NELL1: variants seen among roughly 807,000 people sequenced by gnomAD.
NELL1 encodes the protein protein kinase C-binding protein NELL1.
In NELL1, 76 loss-of-function variants were observed where a neutral mutation model predicts 107.4. That is an observed-to-expected ratio of 0.71 (90% CI 0.59 to 0.86). The LOEUF is 0.86. Among genes scored for constraint, NELL1 ranks in the 40% least tolerant of loss-of-function variants. The probability of loss-of-function intolerance (pLI) is 0.00; values close to 1 mark genes in which losing one functional copy is unlikely to be tolerated. For missense variants in NELL1, 1,024 were observed against 1,005.5 expected (o/e 1.02, Z -0.25); for synonymous variants, 353 against 341.2 (o/e 1.03, Z -0.38).
intron 13 of NELL1, among the ~76,000 whole-genome samples, chr11:21,211,609 T>A (rs59239776): frequency 6.6e-6 from 1 of 152,062 alleles, no homozygotes; most frequent in Non-Finnish European, 1.5e-5. Flanking sequence ...AGGAGATGCA[T>A]TGGGAAGCTA....
At chr11:21,284,629 A>G (rs1849074716) in intron 14 of NELL1, 1 of 417,800 alleles carries the variant, frequency 2.4e-6, no homozygotes, top group Non-Finnish European at 4.9e-6. Flanking sequence ...AATGTTATCA[A>G]CAGTGTCTGC....
chr11:21,054,641 C>T (rs1343505242), intron 12 of NELL1, among the ~76,000 whole-genome samples: 1 of 152,046 alleles, frequency 6.6e-6, no homozygotes, highest in Non-Finnish European at 1.5e-5. Context: ...GGTAGGTAAA[C>T]AAGCGAGAGC....
intron 4 of NELL1, among the ~76,000 whole-genome samples, chr11:20,873,000 G>T (rs965387395): frequency 1.1e-4 from 17 of 152,126 alleles, no homozygotes; most frequent in African/African-American, 4.1e-4. Flanking sequence ...AACCCTGAGA[G>T]TCCTGGTTAC....
At chr11:21,562,417 TTTTG>T (rs138438209) in intron 17 of NELL1, among the ~76,000 whole-genome samples, 2,879 of 152,126 alleles carry the variant, frequency 0.019, 88 homozygotes, top group African/African-American at 0.064. Flanking sequence ...TACATAAATC[TTTTG>T]TTTGTTTGTG....
intron 3 of NELL1, among the ~76,000 whole-genome samples, chr11:20,833,819 T>C (rs901133109): frequency 1.3e-4 from 20 of 152,066 alleles, no homozygotes; most frequent in African/African-American, 4.8e-4. Context: ...AAGTGCATTG[T>C]AGTGGGAGGG....
intron 15 of NELL1, chr11:21,383,806 A>G (rs1039245826): frequency 1.3e-5 from 2 of 151,584 alleles, no homozygotes; most frequent in Admixed American, 1.3e-4. Context: ...TGCTTTTTTT[A>G]CAATACCCAA....
At chr11:21,310,972 G>A (rs116545410) in intron 14 of NELL1, among the ~76,000 whole-genome samples, 2,833 of 152,062 alleles carry the variant, frequency 0.019, 91 homozygotes, top group African/African-American at 0.066. Context: ...TTCAAGCTTC[G>A]GTATATGGGC....
intron 15 of NELL1, among the ~76,000 whole-genome samples, chr11:21,397,553 C>T (rs1292769836): frequency 3.3e-5 from 5 of 151,516 alleles, no homozygotes; most frequent in African/African-American, 1.2e-4. Flanking sequence ...TATTTTAAGT[C>T]ATATAAAACA....
At chr11:21,230,392 C>G (rs992830142) in intron 14 of NELL1, among the ~76,000 whole-genome samples, 5 of 152,190 alleles carry the variant, frequency 3.3e-5, no homozygotes, top group Non-Finnish European at 5.9e-5. Context: ...TCTTCTCCCC[C>G]CATTGTCCCT....
chr11:20,801,522 G>A (rs1857281340), intron 3 of NELL1, among the ~76,000 whole-genome samples: 1 of 152,114 alleles, frequency 6.6e-6, no homozygotes, highest in South Asian at 2.1e-4. Context: ...CCCTTTATGT[G>A]GGTTGTCTCT....
intron 15 of NELL1, among the ~76,000 whole-genome samples, chr11:21,423,573 C>A (rs1852746547): frequency 6.6e-6 from 1 of 152,000 alleles, no homozygotes; most frequent in African/African-American, 2.4e-5. Context: ...GATAATACCA[C>A]CAGAATGAAG....
At chr11:20,915,290 A>C (rs563211167) in intron 5 of NELL1, among the ~76,000 whole-genome samples, 1 of 152,018 alleles carries the variant, frequency 6.6e-6, no homozygotes, top group East Asian at 1.9e-4. Flanking sequence ...AATAAAGCAG[A>C]ATTTTTCAAA....
At chr11:21,057,341 C>A (rs75952823) in intron 12 of NELL1, among the ~76,000 whole-genome samples, 3 of 151,978 alleles carry the variant, frequency 2.0e-5, no homozygotes, top group Non-Finnish European at 4.4e-5. Flanking sequence ...GACACCCTCT[C>A]ACTTTTCTTT....
intron 15 of NELL1, among the ~76,000 whole-genome samples, chr11:21,410,069 C>G (rs888256705): frequency 2.0e-5 from 3 of 151,952 alleles, no homozygotes; most frequent in African/African-American, 7.2e-5. Context: ...AACAATCTTG[C>G]CTTTTCAATG....
intron 12 of NELL1, among the ~76,000 whole-genome samples, chr11:21,017,829 A>G (rs1331194445): frequency 3.3e-5 from 5 of 152,052 alleles, no homozygotes; most frequent in Admixed American, 6.6e-5. Flanking sequence ...CCATCTTTCT[A>G]TCATCCTTAT....
intron 2 of NELL1, among the ~76,000 whole-genome samples, chr11:20,701,622 T>C (rs540800260): frequency 6.6e-6 from 1 of 152,288 alleles, no homozygotes; most frequent in East Asian, 1.9e-4. Flanking sequence ...GGTTTTCTTC[T>C]AGGGTTTTTA....
chr11:21,471,361 T>C (rs1331217814), intron 15 of NELL1, among the ~76,000 whole-genome samples: 1 of 152,108 alleles, frequency 6.6e-6, no homozygotes, highest in South Asian at 2.1e-4. Flanking sequence ...TCTTGACCAC[T>C]AGAACATGCT....
At chr11:20,843,381 T>G (rs1848651228) in intron 3 of NELL1, among the ~76,000 whole-genome samples, 2 of 152,110 alleles carry the variant, frequency 1.3e-5, no homozygotes, top group Admixed American at 1.3e-4. Context: ...CTAGTATATA[T>G]CCTTGTAGAA....
In NELL1 at chr11:20,960,570, C is replaced by T. The variant is rs1352985390; in HGVS notation, c.1300+10C>T. 2 of 1,613,538 alleles carry T rather than the reference C, an allele frequency of 1.2e-6. No individual in the cohort carries two copies. Among genetic ancestry groups the T allele is most frequent in the East Asian group, 2.2e-5 (1 of 44,862 alleles). On this transcript the variant is annotated intron_variant, in intron 12 of 19. Transcript: ENST00000357134. ...TCTGCCTACTGTGAAGGTAAGTAAG[C>T]TATTTAATGAAGTCACTTGTGAGAG... is the stretch of plus-strand genomic sequence containing the variant.
Sources: gnomAD v4.1 joint callset for allele counts (sites outside exome capture counted in the v4.1 genomes callset) on GRCh38, gnomAD v4.1.1 for gene constraint, MANE v1.5 for transcripts, NCBI Gene and HGNC (gene_info 2026-07-23, HGNC 2026-07-21) for gene names.